DLGAP2: variants seen among roughly 807,000 people sequenced by gnomAD.
The protein encoded by DLGAP2 is DLG associated protein 2, also known as disks large-associated protein 2.
In DLGAP2, 26 loss-of-function variants were observed where a neutral mutation model predicts 100.3. That is an observed-to-expected ratio of 0.26 (90% confidence interval 0.19 to 0.36). DLGAP2 has a LOEUF of 0.36. Among genes scored for constraint, DLGAP2 ranks in the 10% least tolerant of loss-of-function variants. The pLI, the probability that DLGAP2 is intolerant of heterozygous loss-of-function variation, is 1.00. For synonymous variants in DLGAP2, 886 were observed against 630.1 expected, an observed-to-expected ratio of 1.41 and a Z score of -6.08; for missense variants, 1,858 against 1,453.2, an observed-to-expected ratio of 1.28 and a Z score of -4.53.
chr8:1,353,022 C>G (rs773000389), intron 3 of DLGAP2, among the ~76,000 whole-genome samples: 5 of 152,204 alleles, frequency 3.3e-5, no homozygotes, highest in South Asian at 2.1e-4. Flanking sequence ...AAGGGAGAAC[C>G]TGCTAGGATT....
chr8:910,240 C>G (rs979881024), intron 2 of DLGAP2: 2 of 152,144 alleles, frequency 1.3e-5, no homozygotes, highest in East Asian at 1.9e-4. Flanking sequence ...TCACTTTTTT[C>G]TCGTTTGGTT....
At position 956,369 on chromosome 8, in the gene DLGAP2, T is replaced by C. The variant is rs572799339; in HGVS notation, c.73+48403T>C. ...AGAAAGCTCATGGTTATTTGGTGCA[T>C]GAACGGTATTGACAGGGTCACAGTG... On this transcript the variant is annotated intron_variant, in intron 2 of 14. Coordinates refer to ENST00000637795, the MANE Select transcript of DLGAP2 (RefSeq NM_001346810.2). Among the ~76,000 whole-genome samples, 20 of 152,304 alleles carry C rather than the reference T, an allele frequency of 1.3e-4. No homozygotes were observed. The East Asian group carries it at 3.7e-3, about 28-fold the overall frequency.
chr8:1,675,021 G>C (rs1311670754), intron 10 of DLGAP2, among the ~76,000 whole-genome samples: 1 of 152,178 alleles, frequency 6.6e-6, no homozygotes. Flanking sequence ...CTGACAGGAA[G>C]GCCAGGATCT....
chr8:1,627,748 A>T (rs112080151), intron 7 of DLGAP2, among the ~76,000 whole-genome samples: 5,624 of 150,636 alleles, frequency 0.037, 132 homozygotes, highest in Middle Eastern at 0.062. Flanking sequence ...TCTTGAGCCG[A>T]CCTCACATTC....
chr8:1,201,503 G>A (rs1562920), intron 2 of DLGAP2, among the ~76,000 whole-genome samples: 36,499 of 152,214 alleles, frequency 0.24, 4,712 homozygotes, highest in African/African-American at 0.34. Context: ...CCTGGGGACA[G>A]TGTGCTTCAG....
intron 2 of DLGAP2, among the ~76,000 whole-genome samples, chr8:967,843 T>TTG (rs1799915592): frequency 4.7e-5 from 3 of 64,396 alleles, no homozygotes; most frequent in Admixed American, 1.3e-4. Context: ...TATATATATA[T>TTG]ATATATATAT....
chr8:1,329,566 A>C (rs945797892), intron 3 of DLGAP2, among the ~76,000 whole-genome samples: 1 of 152,142 alleles, frequency 6.6e-6, no homozygotes, highest in Non-Finnish European at 1.5e-5. Flanking sequence ...GGGAAGTTCA[A>C]TTCGGTAGAT....
chr8:1,232,954 T>G (rs1798568620), intron 2 of DLGAP2, among the ~76,000 whole-genome samples: 1 of 152,188 alleles, frequency 6.6e-6, no homozygotes, highest in Non-Finnish European at 1.5e-5. Context: ...TGCCCAGCCC[T>G]AGGAAGTCCC....
intron 1 of DLGAP2, among the ~76,000 whole-genome samples, chr8:864,937 GTATTCTTAGA>G (rs1797466469): frequency 6.6e-6 from 1 of 152,166 alleles, no homozygotes; most frequent in Admixed American, 6.5e-5. Context: ...CAAGTTAAAT[GTATTCTTAGA>G]TATAGGAAAA....
rs59577506 is a variant in DLGAP2 at position 1,662,881 on chromosome 8, G to A, written c.1811-5448G>A. On this transcript the variant is annotated intron_variant, in intron 8 of 14. Coordinates refer to ENST00000637795, the MANE Select transcript of DLGAP2 (RefSeq NM_001346810.2). ...ACACGTGTGAGTGTGGGGTGTGTGC[G>A]CGTGTGTACATGTGTGAGTGTGGGG... Among the ~76,000 whole-genome samples the A allele has an allele frequency of 9.4e-3, 1,399 of 148,710 alleles. 30 individuals carry two copies. The highest frequency in any genetic ancestry group is 0.03 in the African/African-American group (1,201 of 39,404).
At chr8:820,664 T>C (rs1298674428) in intron 1 of DLGAP2, among the ~76,000 whole-genome samples, 4 of 152,178 alleles carry the variant, frequency 2.6e-5, no homozygotes, top group Admixed American at 6.5e-5. Context: ...TGGAAACCAA[T>C]GTTTTAGTAG....
chr8:926,644 C>T (rs756830110), intron 2 of DLGAP2, among the ~76,000 whole-genome samples: 62 of 152,348 alleles, frequency 4.1e-4, no homozygotes, highest in Admixed American at 9.1e-4. Context: ...ACCGCCTGGG[C>T]GGCCGTGGCC....
rs541658899 is a variant in DLGAP2, at chr8:1,516,584, T to C, written c.172+15153T>C. 1.1e-4 allele frequency among the ~76,000 whole-genome samples: 16 copies of C among 146,914 alleles called. 1 individual carries two copies. In the South Asian group the frequency reaches 3.2e-3, roughly 30 times the overall value. On this transcript the variant is annotated intron_variant, in intron 4 of 14. Coordinates refer to ENST00000637795, the MANE Select transcript of DLGAP2 (RefSeq NM_001346810.2). Reference sequence around the variant, plus strand: ...ATGAGGGAGGGAGGGCGTGAATGAGTGAGTGAATGAGTGCATGAATGAGTG... The same window carrying C: ...ATGAGGGAGGGAGGGCGTGAATGAGCGAGTGAATGAGTGCATGAATGAGTG...
chr8:926,057 C>T (rs535006015), intron 2 of DLGAP2, among the ~76,000 whole-genome samples: 14 of 152,262 alleles, frequency 9.2e-5, no homozygotes, highest in Admixed American at 2.6e-4. Flanking sequence ...GCCATGCTGT[C>T]AATTTTCCGT....
chr8:1,093,708 G>T (rs1804268684), intron 2 of DLGAP2, among the ~76,000 whole-genome samples: 1 of 152,346 alleles, frequency 6.6e-6, no homozygotes, highest in South Asian at 2.1e-4. Flanking sequence ...CACACCAACA[G>T]CCAGAAACAC....
intron 2 of DLGAP2, among the ~76,000 whole-genome samples, chr8:1,145,894 G>A (rs1235476463): frequency 6.6e-6 from 1 of 150,932 alleles, no homozygotes; most frequent in Non-Finnish European, 1.5e-5. Context: ...ATAGTTTACT[G>A]AGAATGATGA....
intron 6 of DLGAP2, chr8:1,620,241 C>T (rs2130754522): frequency 6.6e-6 from 1 of 152,354 alleles, no homozygotes; most frequent in African/African-American, 2.4e-5. Flanking sequence ...GGTCTTTCCC[C>T]ATCTCATTCC....
chr8:1,585,861 C>G (rs976604308), intron 6 of DLGAP2, among the ~76,000 whole-genome samples: 3 of 151,982 alleles, frequency 2.0e-5, no homozygotes, highest in Admixed American at 2.0e-4. Context: ...TGGAGTGTCA[C>G]TCTGTCTCTG....
intron 2 of DLGAP2, among the ~76,000 whole-genome samples, chr8:1,006,383 G>C (rs536687283): frequency 2.0e-5 from 3 of 148,228 alleles, no homozygotes; most frequent in Non-Finnish European, 4.5e-5. Flanking sequence ...CCTTTATCAC[G>C]TCGGGGACAC....
Sources: gnomAD v4.1 joint callset for allele counts (sites outside exome capture counted in the v4.1 genomes callset) on GRCh38, gnomAD v4.1.1 for gene constraint, MANE v1.5 for transcripts, NCBI Gene and HGNC (gene_info 2026-07-23, HGNC 2026-07-21) for gene names.